The following RRAS2 variants were observed in gnomAD, a reference collection of about 807,000 sequenced individuals.
RRAS2 encodes the protein ras-related protein R-Ras2.
RRAS2 carries 7 observed loss-of-function variants against 27.6 expected under a neutral mutation model. The ratio of observed to expected loss-of-function variants is 0.25; its 90% CI spans 0.14 to 0.48. The LOEUF is 0.48. RRAS2 is among the 20% of genes least tolerant of loss of function. The pLI is 0.99. For synonymous variants in RRAS2, 86 were observed against 90.9 expected (o/e 0.95, Z 0.31); for missense variants, 178 against 256.2 (o/e 0.69, Z 2.08).
chr11:14,286,033 T>C (rs1213407062), intron 4 of RRAS2, among the ~76,000 whole-genome samples: 1 of 152,204 alleles, frequency 6.6e-6, no homozygotes, highest in Non-Finnish European at 1.5e-5. Context: ...ATCCAGTGCA[T>C]TTTTCATGTC....
At chr11:14,318,534 T>C (rs1848161301) in intron 1 of RRAS2, among the ~76,000 whole-genome samples, 1 of 151,454 alleles carries the variant, frequency 6.6e-6, no homozygotes, top group African/African-American at 2.4e-5. Context: ...AAAAAAACCT[T>C]GAGTGCCCAG....
At chr11:14,338,920 T>C (rs970605068) in intron 1 of RRAS2, among the ~76,000 whole-genome samples, 3 of 152,122 alleles carry the variant, frequency 2.0e-5, no homozygotes, top group Non-Finnish European at 4.4e-5. Flanking sequence ...AAACCAAACT[T>C]ATGTGACGCC....
chr11:14,360,241 G>A (rs1849172827), upstream of RRAS2, among the ~76,000 whole-genome samples: 1 of 149,308 alleles, frequency 6.7e-6, no homozygotes, highest in Non-Finnish European at 1.5e-5. Flanking sequence ...CAGATCACCA[G>A]CATCACCTGC....
At chr11:14,297,363 CTTG>C (rs1470594658) in intron 1 of RRAS2, among the ~76,000 whole-genome samples, 6 of 152,324 alleles carry the variant, frequency 3.9e-5, no homozygotes, top group Non-Finnish European at 7.3e-5. Flanking sequence ...AACAAGCACT[CTTG>C]AAGAGGACAG....
At position 14,294,797 on chromosome 11, in the gene RRAS2, C is replaced by A. The variant is rs141697442; in HGVS notation, c.262G>T (p.Gly88Cys). Residue 88 changes from glycine to cysteine, a missense_variant, in exon 3 of 6, where the codon GGC becomes TGC. Coordinates refer to ENST00000256196, the MANE Select transcript of RRAS2 (RefSeq NM_012250.6). Reference sequence around the variant, plus strand: ...GTGACTGAAAAGACCAACAGGAAGCCTTCGCCAGTCCTCATATACTGTTCT... The same window carrying A: ...GTGACTGAAAAGACCAACAGGAAGCATTCGCCAGTCCTCATATACTGTTCT... ...MREQYMRTGE[G>C]FLLVFSVTDR... The A allele has an allele frequency of 6.2e-7, 1 of 1,613,664 alleles. No individual in the cohort carries two copies. The highest frequency in any genetic ancestry group is 1.3e-5 in the African/African-American group (1 of 74,898).
At chr11:14,332,080 T>C (rs1456588964) in intron 1 of RRAS2, among the ~76,000 whole-genome samples, 1 of 152,204 alleles carries the variant, frequency 6.6e-6, no homozygotes, top group African/African-American at 2.4e-5. Flanking sequence ...TTGCTGGGAA[T>C]GTAAAATGGT....
chr11:14,287,802 G>A (rs782164629), intron 4 of RRAS2, among the ~76,000 whole-genome samples: 1 of 151,174 alleles, frequency 6.6e-6, no homozygotes, highest in Non-Finnish European at 1.5e-5. Flanking sequence ...AACCCGGGAG[G>A]TGGAGGTTGC....
intron 1 of RRAS2, among the ~76,000 whole-genome samples, chr11:14,352,770 G>T (rs1848988072): frequency 6.7e-6 from 1 of 148,498 alleles, no homozygotes; most frequent in African/African-American, 2.5e-5. Context: ...GAGAGAGAGA[G>T]AGAGAGAGAG....
At chr11:14,352,659 A>G (rs1428964218) in intron 1 of RRAS2, among the ~76,000 whole-genome samples, 1 of 12,378 alleles carries the variant, frequency 8.1e-5, no homozygotes, top group Non-Finnish European at 1.5e-4. Flanking sequence ...ATTTTCCCCA[A>G]CCAGAAAAAA....
chr11:14,301,151 C>T (rs782406974), intron 1 of RRAS2, among the ~76,000 whole-genome samples: 10 of 152,038 alleles, frequency 6.6e-5, no homozygotes, highest in Non-Finnish European at 1.2e-4. Flanking sequence ...AAGGAGAGAA[C>T]GGAAACAATA....
intron 1 of RRAS2, among the ~76,000 whole-genome samples, chr11:14,321,889 C>T (rs914830900): frequency 1.6e-4 from 24 of 152,100 alleles, no homozygotes; most frequent in Admixed American, 2.6e-4. Context: ...TATAATTCCT[C>T]GTACTGTAAT....
intron 1 of RRAS2, chr11:14,364,385 A>G (rs1849227232): frequency 6.5e-7 from 1 of 1,535,886 alleles, no homozygotes; most frequent in African/African-American, 1.4e-5. Context: ...AGCCTGCAAT[A>G]CTTACCATGG....
chr11:14,344,530 A>C (rs1426144135), intron 1 of RRAS2, among the ~76,000 whole-genome samples: 1 of 152,212 alleles, frequency 6.6e-6, no homozygotes, highest in African/African-American at 2.4e-5. Context: ...CTTAAACATT[A>C]AATCTACCAC....
At chr11:14,340,130 CCT>C (rs1483619130) in intron 1 of RRAS2, among the ~76,000 whole-genome samples, 2 of 136,220 alleles carry the variant, frequency 1.5e-5, no homozygotes, top group African/African-American at 2.6e-5. Context: ...AGAGTCTGTC[CCT>C]CTGTCTCCCA....
intron 1 of RRAS2, among the ~76,000 whole-genome samples, chr11:14,327,462 T>C (rs1554951178): frequency 6.6e-6 from 1 of 152,200 alleles, no homozygotes; most frequent in Non-Finnish European, 1.5e-5. Context: ...TTCCATGCCC[T>C]TCCTAAATGT....
chr11:14,346,820 C>T (rs1370384892), intron 1 of RRAS2, among the ~76,000 whole-genome samples: 2 of 152,080 alleles, frequency 1.3e-5, no homozygotes, highest in African/African-American at 4.8e-5. Context: ...TCAAAACACC[C>T]TGTTGTACAT....
At chr11:14,336,883 T>C (rs1234062954) in intron 1 of RRAS2, 3 of 151,710 alleles carry the variant, frequency 2.0e-5, no homozygotes, top group Non-Finnish European at 4.4e-5. Flanking sequence ...ATTCAAGAAG[T>C]TGAATAAACC....
intron 4 of RRAS2, among the ~76,000 whole-genome samples, chr11:14,292,573 A>C (rs1847428245): frequency 6.6e-6 from 1 of 152,056 alleles, no homozygotes; most frequent in Non-Finnish European, 1.5e-5. Flanking sequence ...CCTCAAGGAA[A>C]TGGTCTTAAA....
intron 1 of RRAS2, among the ~76,000 whole-genome samples, chr11:14,355,806 C>T (rs1293708007): frequency 5.9e-5 from 9 of 152,186 alleles, no homozygotes; most frequent in African/African-American, 2.2e-4. Context: ...ACCAAGAGAA[C>T]TGACTTCTGC....
Sources: allele counts gnomAD v4.1 joint callset (sites outside exome capture counted in the v4.1 genomes callset), GRCh38; gene constraint gnomAD v4.1.1; transcripts MANE v1.5; gene names NCBI Gene and HGNC (gene_info 2026-07-23, HGNC 2026-07-21).